The following TIAM1 variants were observed in gnomAD, a reference collection of about 807,000 sequenced individuals.
The protein encoded by TIAM1 is rho guanine nucleotide exchange factor TIAM1.
A neutral mutation model predicts 163.5 loss-of-function variants in TIAM1; 65 were observed. The observed-to-expected ratio is 0.40, with a 90% CI of 0.33 to 0.49. The LOEUF is 0.49. Ranked by LOEUF, TIAM1 falls within the 20% of genes least tolerant of loss-of-function variation. The probability of loss-of-function intolerance (pLI) is 0.77; values close to 1 mark genes in which losing one functional copy is unlikely to be tolerated. For missense variants in TIAM1, 1,789 were observed against 2,044.7 expected, an observed-to-expected ratio of 0.87 and a Z score of 2.41; for synonymous variants, 833 against 810.1, an observed-to-expected ratio of 1.03 and a Z score of -0.48.
At chr21:31,513,503 G>C (rs2047280890) in intron 1 of TIAM1, among the ~76,000 whole-genome samples, 1 of 152,108 alleles carries the variant, frequency 6.6e-6, no homozygotes, top group Non-Finnish European at 1.5e-5. Flanking sequence ...CATTCAGGAG[G>C]GTGACCCACA....
chr21:31,311,165 T>C (rs1267845870), intron 2 of TIAM1, among the ~76,000 whole-genome samples: 3 of 103,448 alleles, frequency 2.9e-5, no homozygotes, highest in African/African-American at 1.4e-4. Flanking sequence ...TTTTGTTTGT[T>C]TGTTTTGTTT....
chr21:31,416,734 A>G (rs2043386546), intron 2 of TIAM1, among the ~76,000 whole-genome samples: 1 of 152,236 alleles, frequency 6.6e-6, no homozygotes, highest in Non-Finnish European at 1.5e-5. Context: ...CACAAAGTGA[A>G]GTTTAATATC....
chr21:31,123,694 T>G (rs1568864201), intron 27 of TIAM1, among the ~76,000 whole-genome samples: 1 of 152,196 alleles, frequency 6.6e-6, no homozygotes, highest in African/African-American at 2.4e-5. Context: ...AAAGGGGGCC[T>G]TCTTTTAATG....
At chr21:31,279,580 G>A (rs964944181) in intron 2 of TIAM1, among the ~76,000 whole-genome samples, 5 of 152,308 alleles carry the variant, frequency 3.3e-5, no homozygotes, top group Admixed American at 6.5e-5. Context: ...TACTTTCAGC[G>A]TGACTTGGGG....
chr21:31,202,758 T>G, intron 12 of TIAM1, 150 bp downstream of exon 12: 1 of 684,012 alleles, frequency 1.5e-6, no homozygotes, highest in Non-Finnish European at 2.5e-6. Context: ...CTGAGCTAAG[T>G]AGGGCCATCT....
intron 1 of TIAM1, among the ~76,000 whole-genome samples, chr21:31,558,177 G>A (rs368771620): frequency 3.6e-3 from 546 of 151,966 alleles, no homozygotes; most frequent in Middle Eastern, 0.01. Context: ...GGCGAGGGGC[G>A]CGGCGCAGCA....
chr21:31,227,473 T>A (rs112109159), intron 6 of TIAM1, among the ~76,000 whole-genome samples: 1 of 152,234 alleles, frequency 6.6e-6, no homozygotes, highest in Non-Finnish European at 1.5e-5. Flanking sequence ...GCAGTTGTTA[T>A]GTGGATAACA....
intron 2 of TIAM1, among the ~76,000 whole-genome samples, chr21:31,286,778 C>T (rs1311631965): frequency 6.6e-6 from 1 of 152,046 alleles, no homozygotes; most frequent in African/African-American, 2.4e-5. Flanking sequence ...TTTCAAAATA[C>T]AGATGATTCT....
intron 1 of TIAM1, among the ~76,000 whole-genome samples, chr21:31,512,621 T>A (rs1284803689): frequency 7.7e-6 from 1 of 129,726 alleles, no homozygotes; most frequent in Admixed American, 9.4e-5. Flanking sequence ...TCTTTTCTTT[T>A]TTTTTTTTTT....
chr21:31,229,899 C>T (rs1214378810), intron 6 of TIAM1, among the ~76,000 whole-genome samples: 2 of 152,150 alleles, frequency 1.3e-5, no homozygotes, highest in East Asian at 1.9e-4. Flanking sequence ...GTGATCCACC[C>T]GCCTCGGCCT....
chr21:31,169,051 T>C (rs1279964054), intron 15 of TIAM1, among the ~76,000 whole-genome samples: 1 of 152,238 alleles, frequency 6.6e-6, no homozygotes, highest in Middle Eastern at 3.4e-3. Context: ...CCAGCACTTT[T>C]GGGAGGCTGA....
In TIAM1 at chr21:31,120,547, T is replaced by A; in HGVS notation, c.4597A>T (p.Ile1533Phe). 1 of 1,614,228 alleles carries A rather than the reference T, an allele frequency of 6.2e-7. No homozygotes were observed. Among genetic ancestry groups the A allele is most frequent in the Non-Finnish European group, 8.5e-7 (1 of 1,180,044 alleles). Residue 1533 changes from isoleucine to phenylalanine, a missense_variant, in exon 28 of 28, where the codon ATC (isoleucine) becomes TTC (phenylalanine). Transcript: ENST00000541036. The surrounding 1 kb of genome is among the most constrained non-coding windows in gnomAD (Gnocchi z 4.2). ...TTCCGGCCTCTTTCCCGCTGACTGATGGAGGTGGCCTGAAGCCGCTCCTGC... is the reference window on the plus strand; with the variant it reads ...TTCCGGCCTCTTTCCCGCTGACTGAAGGAGGTGGCCTGAAGCCGCTCCTGC... Reference protein sequence around the residue: ...DLQERLQATSISQRERGRKTL... With the variant: ...DLQERLQATSFSQRERGRKTL...
chr21:31,474,280 A>G (rs1198600523), intron 1 of TIAM1, among the ~76,000 whole-genome samples: 1 of 152,180 alleles, frequency 6.6e-6, no homozygotes, highest in Non-Finnish European at 1.5e-5. Flanking sequence ...GTATTAGAGA[A>G]TATTAAACCA....
intron 1 of TIAM1, among the ~76,000 whole-genome samples, chr21:31,522,249 G>A (rs1467696843): frequency 6.6e-6 from 1 of 151,288 alleles, no homozygotes; most frequent in Non-Finnish European, 1.5e-5. Flanking sequence ...GCTCATGCCT[G>A]TAATTCCAAC....
intron 2 of TIAM1, among the ~76,000 whole-genome samples, chr21:31,351,541 C>A (rs1443173129): frequency 1.3e-5 from 2 of 152,102 alleles, no homozygotes; most frequent in Non-Finnish European, 2.9e-5. Flanking sequence ...AAGCTCCAGA[C>A]AAGCAAGCAA....
At position 31,165,036 on chromosome 21, in the gene TIAM1, T is replaced by C. The variant is rs2084138720; in HGVS notation, c.2917A>G (p.Ser973Gly). The C allele has an allele frequency of 6.2e-7, 1 of 1,614,134 alleles. No homozygotes were observed. The highest frequency in any genetic ancestry group is 8.5e-7 in the Non-Finnish European group (1 of 1,180,046). ...GHSLCSEQGS[S>G]AETAPEETEG... is the part of the protein sequence containing the mutation. ...GTCTCCTCTGGAGCGGTCTCAGCAC[T>C]GCTGCCCTGCTCGCTGCAAAGGCTG... Residue 973 changes from serine to glycine, a missense_variant, in exon 16 of 28, where the codon AGT becomes GGT. Coordinates refer to ENST00000541036, the MANE Select transcript of TIAM1 (RefSeq NM_001353694.2).
chr21:31,200,451 G>C (rs548437777), intron 12 of TIAM1, among the ~76,000 whole-genome samples: 1 of 152,174 alleles, frequency 6.6e-6, no homozygotes, highest in African/African-American at 2.4e-5. Context: ...CAGTGCCTGT[G>C]ACTCCGTCAC....
intron 16 of TIAM1, among the ~76,000 whole-genome samples, chr21:31,163,203 G>A (rs915728602): frequency 2.0e-5 from 3 of 152,166 alleles, no homozygotes; most frequent in Non-Finnish European, 4.4e-5. Flanking sequence ...CCTAAATCCA[G>A]TTAGAAATTG....
At chr21:31,171,506 C>G (rs2084512496) in intron 15 of TIAM1, among the ~76,000 whole-genome samples, 1 of 152,142 alleles carries the variant, frequency 6.6e-6, no homozygotes, top group Non-Finnish European at 1.5e-5. Flanking sequence ...AGAACTCTTA[C>G]AAATCAATAA....
Sources: gnomAD v4.1 joint callset for allele counts (sites outside exome capture counted in the v4.1 genomes callset) on GRCh38, gnomAD v4.1.1 for gene constraint, Gnocchi (gnomAD v3.1) non-coding constraint, MANE v1.5 for transcripts, NCBI Gene and HGNC (gene_info 2026-07-23, HGNC 2026-07-21) for gene names.